Variants in PTP4A1 observed in about 807,000 individuals in gnomAD.
The protein encoded by PTP4A1 is protein tyrosine phosphatase type IVA 1.
Under a neutral mutation model 20.5 loss-of-function variants are expected in PTP4A1, and 9 were observed. The observed-to-expected ratio is 0.44, with a 90% CI of 0.26 to 0.77. The LOEUF is 0.77. PTP4A1 is among the 30% of genes least tolerant of loss of function. The pLI is 0.19. For synonymous variants in PTP4A1, 78 were observed against 67.4 expected, an observed-to-expected ratio of 1.16 and a Z score of -0.77; for missense variants, 137 against 218.8, an observed-to-expected ratio of 0.63 and a Z score of 2.36.
intron 2 of PTP4A1, among the ~76,000 whole-genome samples, chr6:63,532,817 C>A (rs1022721252): frequency 6.6e-6 from 1 of 151,718 alleles, no homozygotes; most frequent in Non-Finnish European, 1.5e-5. Context: ...AATAAGCTAC[C>A]AAAAAATATC....
upstream of PTP4A1, chr6:63,572,311 A>C (rs1033363576): frequency 1.9e-4 from 37 of 199,614 alleles, no homozygotes; most frequent in East Asian, 2.2e-4. Context: ...GCGCTTAGCC[A>C]TTCATCAACC....
intron 2 of PTP4A1, among the ~76,000 whole-genome samples, chr6:63,537,901 A>G (rs1775791569): frequency 6.6e-6 from 1 of 152,240 alleles, no homozygotes; most frequent in African/African-American, 2.4e-5. Flanking sequence ...AATCCTACCA[A>G]TGGAATACAG....
intron 2 of PTP4A1, among the ~76,000 whole-genome samples, chr6:63,529,521 C>T (rs1206517414): frequency 6.6e-6 from 1 of 152,136 alleles, no homozygotes; most frequent in East Asian, 1.9e-4. Context: ...AACAACCTAG[C>T]CTTCCTTTTC....
At chr6:63,539,009 C>CA in intron 2 of PTP4A1, among the ~76,000 whole-genome samples, 1 of 152,288 alleles carries the variant, frequency 6.6e-6, no homozygotes, top group Admixed American at 6.5e-5. Flanking sequence ...TCTCCTGCCT[C>CA]AGCTTCCCAC....
chr6:63,556,453 T>C (rs1776692048), intron 3 of PTP4A1, among the ~76,000 whole-genome samples: 1 of 152,170 alleles, frequency 6.6e-6, no homozygotes, highest in Non-Finnish European at 1.5e-5. Context: ...AGTGCTGGGA[T>C]TACAGGCATG....
In PTP4A1 at chr6:63,572,515, C is replaced by T; in HGVS notation, c.-650C>T. 4 of 391,118 alleles carry T rather than the reference C, an allele frequency of 1.0e-5. 1 individual carries two copies. The highest frequency in any genetic ancestry group is 2.5e-4 in the South Asian group (2 of 7,862). 24.2% of individuals were successfully genotyped at this position (391,118 alleles called of 1,614,324 possible). ...GTGTATTGGCTCCTTCGGCTGCGGG[C>T]CGGCTCGGCTACGCGCTCTGCTCCG... On this transcript the variant is annotated 5_prime_UTR_variant, in exon 1 of 6. Transcript: ENST00000626021.
Position 63,580,045 on chromosome 6 carries a change from T to C in PTP4A1, c.405-12T>C. Reference sequence around the variant, plus strand: ...TTTGCCTTGTTTCATTTTTTTTTTTTTTTCCTCCCAGAAAGCGGCGTGGAG... The same window carrying C: ...TTTGCCTTGTTTCATTTTTTTTTTTCTTTCCTCCCAGAAAGCGGCGTGGAG... On this transcript the variant is annotated splice_polypyrimidine_tract_variant and intron_variant, in intron 5 of 5. Coordinates refer to ENST00000626021, the MANE Select transcript of PTP4A1 (RefSeq NM_003463.5). 1 of 1,587,214 alleles carries C rather than the reference T, an allele frequency of 6.3e-7. No homozygotes were observed. Among genetic ancestry groups the C allele is most frequent in the Non-Finnish European group, 8.6e-7 (1 of 1,166,200 alleles).
At chr6:63,575,303 C>A (rs1361621159) in intron 1 of PTP4A1, among the ~76,000 whole-genome samples, 1 of 152,160 alleles carries the variant, frequency 6.6e-6, no homozygotes, top group Non-Finnish European at 1.5e-5. Flanking sequence ...AATTACTGCT[C>A]TTGTTAACCT....
At position 63,580,176 on chromosome 6, in the gene PTP4A1, A is replaced by T. The variant is rs773911774; in HGVS notation, c.*2A>T. ...AGAAACAACTGTTGCATTCAATAAA[A>T]TTGGGGTGCCTAATGCTACTGGAAG... On this transcript the variant is annotated 3_prime_UTR_variant, in exon 6 of 6. Coordinates refer to ENST00000626021, the MANE Select transcript of PTP4A1 (RefSeq NM_003463.5). 1 of 1,600,774 alleles carries T rather than the reference A, an allele frequency of 6.2e-7. No individual in the cohort carries two copies. Among genetic ancestry groups the T allele is most frequent in the Admixed American group, 1.7e-5 (1 of 59,916 alleles).
Position 63,579,237 on chromosome 6 carries a change from C to T in PTP4A1, c.330-20C>T. 1 of 1,580,324 alleles carries T rather than the reference C, an allele frequency of 6.3e-7. No homozygotes were observed. The highest frequency in any genetic ancestry group is 8.6e-7 in the Non-Finnish European group (1 of 1,165,268). On this transcript the variant is annotated intron_variant, in intron 4 of 5. Coordinates refer to ENST00000626021, the MANE Select transcript of PTP4A1 (RefSeq NM_003463.5). ...ATCTGATTTTGAAAAAACTATTTAT[C>T]AAAATTCTTACCTCACCAGAGCTCC...
intron 2 of PTP4A1, among the ~76,000 whole-genome samples, chr6:63,538,922 T>G (rs1391579751): frequency 6.6e-6 from 1 of 152,214 alleles, no homozygotes; most frequent in Non-Finnish European, 1.5e-5. Flanking sequence ...AGATGGAGTC[T>G]CACTCTGTCA....
chr6:63,569,722 A>G (rs1274736140), upstream of PTP4A1, among the ~76,000 whole-genome samples: 1 of 152,218 alleles, frequency 6.6e-6, no homozygotes, highest in Non-Finnish European at 1.5e-5. Flanking sequence ...TTAGCAGGAG[A>G]GAAAATCCTC....
At chr6:63,567,605 A>C (rs1777245705), upstream of PTP4A1, among the ~76,000 whole-genome samples, 1 of 152,190 alleles carries the variant, frequency 6.6e-6, no homozygotes, top group Admixed American at 6.5e-5. Flanking sequence ...CATAATTTTT[A>C]AGGGTCCTAG....
chr6:63,549,546 A>T (rs1020499227), intron 2 of PTP4A1: 72 of 625,530 alleles, frequency 1.2e-4, no homozygotes, highest in Admixed American at 7.5e-4. Context: ...TAAAGGTGAT[A>T]AATGTTGACA....
At chr6:63,569,418 A>G (rs1380382714), upstream of PTP4A1, among the ~76,000 whole-genome samples, 1 of 152,028 alleles carries the variant, frequency 6.6e-6, no homozygotes, top group Non-Finnish European at 1.5e-5. Context: ...CACCATGCCC[A>G]GCTAATTTTT....
At chr6:63,542,430 A>G (rs1776022622) in intron 2 of PTP4A1, among the ~76,000 whole-genome samples, 1 of 152,118 alleles carries the variant, frequency 6.6e-6, no homozygotes, top group Admixed American at 6.5e-5. Flanking sequence ...TGGAAATAAA[A>G]AAAAAAACTC....
upstream of PTP4A1, among the ~76,000 whole-genome samples, chr6:63,516,915 T>C (rs931299126): frequency 4.6e-5 from 7 of 152,178 alleles, no homozygotes; most frequent in African/African-American, 9.6e-5. Flanking sequence ...CAGAAAGAGA[T>C]TGAGTCTCTG....
At chr6:63,542,251 A>G (rs574705766) in intron 2 of PTP4A1, among the ~76,000 whole-genome samples, 3 of 152,100 alleles carry the variant, frequency 2.0e-5, no homozygotes, top group South Asian at 4.2e-4. Flanking sequence ...GAATGACACA[A>G]TGGACTTTGG....
chr6:63,557,618 A>C lies in PTP4A1; in HGVS notation c.-446+7125A>C, dbSNP rs143629824. The stretch of plus-strand genomic sequence containing the variant: ...AGGTTTTAGGGGAAGTAGCAAGAGA[A>C]AATTCCAGGTAAAAGGAATTGCAGA... On this transcript the variant is annotated intron_variant, in intron 3 of 3. Coordinates refer to the PTP4A1 transcript ENST00000639568. Among the ~76,000 whole-genome samples, 1,326 of 152,232 alleles carry C rather than the reference A, an allele frequency of 8.7e-3. 24 individuals carry two copies. Among genetic ancestry groups the C allele is most frequent in the African/African-American group, 0.03 (1,253 of 41,524 alleles).
Sources: allele counts gnomAD v4.1 joint callset (sites outside exome capture counted in the v4.1 genomes callset), GRCh38; gene constraint gnomAD v4.1.1; transcripts MANE v1.5; gene names NCBI Gene and HGNC (gene_info 2026-07-23, HGNC 2026-07-21).